The following ALPL variants were observed in gnomAD, a reference collection of about 807,000 sequenced individuals.
ALPL encodes the protein alkaline phosphatase, tissue-nonspecific isozyme.
In ALPL, 42 loss-of-function variants were observed where a neutral mutation model predicts 51.3. That is an observed-to-expected ratio of 0.82 (90% confidence interval 0.64 to 1.06). The LOEUF (loss-of-function observed/expected upper bound fraction) is 1.06, where lower values mean the gene tolerates loss of function less well. Ranked by LOEUF, ALPL falls within the 50% of genes least tolerant of loss-of-function variation. ALPL has a pLI of 0.00. For synonymous variants in ALPL, 279 were observed against 296.4 expected (o/e 0.94, Z 0.60); for missense variants, 589 against 709.4 (o/e 0.83, Z 1.93).
chr1:21,529,189 T>C (rs1473924338), intron 1 of ALPL, among the ~76,000 whole-genome samples: 3 of 152,174 alleles, frequency 2.0e-5, no homozygotes, highest in Non-Finnish European at 4.4e-5. Flanking sequence ...ATTAGGTTTA[T>C]GGTTAATCTC....
At chr1:21,565,309 G>A (rs1244675492) in intron 6 of ALPL, among the ~76,000 whole-genome samples, 1 of 152,172 alleles carries the variant, frequency 6.6e-6, no homozygotes, top group African/African-American at 2.4e-5. Flanking sequence ...GACATCTGAG[G>A]CCAAGCCACT....
intron 1 of ALPL, among the ~76,000 whole-genome samples, chr1:21,552,779 G>A (rs1490624651): frequency 1.3e-5 from 2 of 152,044 alleles, no homozygotes; most frequent in Non-Finnish European, 2.9e-5. Context: ...ATAATAATTG[G>A]ACTAGAGTGG....
At chr1:21,556,992 A>G (rs1644422365) in intron 2 of ALPL, among the ~76,000 whole-genome samples, 1 of 152,192 alleles carries the variant, frequency 6.6e-6, no homozygotes, top group Admixed American at 6.6e-5. Flanking sequence ...TTGCCGTCGC[A>G]GGCGTTCCTC....
At position 21,517,318 on chromosome 1, in the gene ALPL, C is replaced by T. The variant is rs564398146; in HGVS notation, c.-105+7801C>T. 7.9e-5 allele frequency among the ~76,000 whole-genome samples: 12 copies of T among 152,284 alleles called. No homozygotes were observed. In the South Asian group the frequency reaches 1.5e-3, roughly 18 times the overall value. On this transcript the variant is annotated intron_variant, in intron 1 of 11. Transcript: ENST00000374840. The stretch of plus-strand genomic sequence containing the variant: ...TCTTTCCATTTTGCAAACAAGGAAA[C>T]GGAAGCTCAGAGAGATTGAGTAATG...
intron 1 of ALPL, among the ~76,000 whole-genome samples, chr1:21,539,771 C>T (rs1268057965): frequency 6.6e-6 from 1 of 151,798 alleles, no homozygotes; most frequent in African/African-American, 2.4e-5. Flanking sequence ...TCTCCTGCCT[C>T]AGCCTCCCGA....
chr1:21,552,814 C>A (rs1460602660), intron 1 of ALPL, among the ~76,000 whole-genome samples: 1 of 152,166 alleles, frequency 6.6e-6, no homozygotes, highest in African/African-American at 2.4e-5. Flanking sequence ...CAACACTTTT[C>A]TAACGGTAGA....
At chr1:21,570,943 T>C (rs1416839601) in intron 8 of ALPL, among the ~76,000 whole-genome samples, 3 of 152,114 alleles carry the variant, frequency 2.0e-5, no homozygotes, top group African/African-American at 7.2e-5. Flanking sequence ...GGTGGCAAAA[T>C]CTCCTGCAGA....
intron 2 of ALPL, among the ~76,000 whole-genome samples, 166 bp downstream of exon 2, chr1:21,554,308 A>T (rs914113064): frequency 5.5e-5 from 8 of 145,368 alleles, no homozygotes; most frequent in South Asian, 2.2e-4. Flanking sequence ...TGTTAGTTGG[A>T]TAGGTCACTC....
rs3200254 is a variant in ALPL, at chr1:21,568,242, T to A, written c.787T>A (p.Tyr263Asn). Residue 263 changes from tyrosine to asparagine, a missense_variant, in exon 7 of 12, where the codon TAC becomes AAC. Tyr to Asn is a moderately radical substitution (Grantham distance 143). Coordinates refer to ENST00000374840, the MANE Select transcript of ALPL (RefSeq NM_000478.6). ...VDTWKSFKPRYKHSHFIWNRT... is the reference protein window; with the variant it reads ...VDTWKSFKPRNKHSHFIWNRT... ...CACCTGGAAGAGCTTCAAACCGAGA[T>A]ACAAGGTAGCCTGTGCTGGGGCCAT... 1.2e-6 allele frequency: 2 copies of A among 1,613,762 alleles called. No individual in the cohort carries two copies. The highest frequency in any genetic ancestry group is 1.1e-5 in the South Asian group (1 of 91,068).
At chr1:21,511,090 C>T (rs185245170) in intron 1 of ALPL, among the ~76,000 whole-genome samples, 4 of 152,318 alleles carry the variant, frequency 2.6e-5, no homozygotes, top group Admixed American at 2.6e-4. Flanking sequence ...CTTAAGCATC[C>T]GCCGTGTGCC....
intron 1 of ALPL, among the ~76,000 whole-genome samples, chr1:21,541,869 C>T (rs1644191079): frequency 1.3e-5 from 2 of 152,262 alleles, no homozygotes; most frequent in Admixed American, 6.5e-5. Context: ...GGCACCAGGC[C>T]TCTGGGGTAC....
In ALPL at chr1:21,571,804, A is replaced by G. The variant is rs191140555; in HGVS notation, c.862+1430A>G. Among the ~76,000 whole-genome samples, 26 of 152,254 alleles carry G rather than the reference A, an allele frequency of 1.7e-4. No homozygotes were observed. In the East Asian group the frequency reaches 4.3e-3, roughly 25 times the overall value. On this transcript the variant is annotated intron_variant, in intron 8 of 11. Transcript: ENST00000374840. The stretch of plus-strand genomic sequence containing the variant: ...CAGGAGTTTGAGACCAGCCTGGGAA[A>G]CATAGCGAGACCTCAATTCTACAAA...
chr1:21,522,291 G>A (rs1643890819), intron 1 of ALPL, among the ~76,000 whole-genome samples: 1 of 152,076 alleles, frequency 6.6e-6, no homozygotes, highest in South Asian at 2.1e-4. Flanking sequence ...AGCCAGGATG[G>A]TCTCCATCTC....
chr1:21,554,939 T>C (rs1644393554), intron 2 of ALPL, among the ~76,000 whole-genome samples: 1 of 151,424 alleles, frequency 6.6e-6, no homozygotes, highest in Non-Finnish European at 1.5e-5. Flanking sequence ...TCTTTTCTTT[T>C]TCTTTCCTTT....
intron 1 of ALPL, among the ~76,000 whole-genome samples, chr1:21,543,616 G>A (rs1644217762): frequency 6.6e-6 from 1 of 152,086 alleles, no homozygotes; most frequent in South Asian, 2.1e-4. Context: ...CATTTCCATT[G>A]CCCCAGGAAG....
chr1:21,563,943 G>A (rs564230756), intron 5 of ALPL, 98 bp from the exon 6 acceptor site: 258 of 1,479,836 alleles, frequency 1.7e-4, no homozygotes, highest in South Asian at 1.7e-4. Flanking sequence ...GAACTGAAGC[G>A]GGGGCCTGTC....
intron 1 of ALPL, among the ~76,000 whole-genome samples, chr1:21,511,281 G>T (rs1426802598): frequency 6.6e-6 from 1 of 152,194 alleles, no homozygotes; most frequent in Non-Finnish European, 1.5e-5. Context: ...AAAATGGATT[G>T]GCCAACCTTT....
At chr1:21,517,074 T>G (rs2148058845) in intron 1 of ALPL, among the ~76,000 whole-genome samples, 1 of 152,350 alleles carries the variant, frequency 6.6e-6, no homozygotes, top group Admixed American at 6.5e-5. Context: ...CTATCTCATG[T>G]CAATTTCTTG....
At chr1:21,554,900 T>C (rs1373630157) in intron 2 of ALPL, among the ~76,000 whole-genome samples, 2 of 115,728 alleles carry the variant, frequency 1.7e-5, no homozygotes, top group Non-Finnish European at 3.5e-5. Flanking sequence ...TCTTTCTTTC[T>C]TTCTTTCTCT....
Sources: allele counts gnomAD v4.1 joint callset (sites outside exome capture counted in the v4.1 genomes callset), GRCh38; gene constraint gnomAD v4.1.1; transcripts MANE v1.5; gene names NCBI Gene and HGNC (gene_info 2026-07-23, HGNC 2026-07-21).